The following PTPRD variants were observed in gnomAD, a reference collection of about 807,000 sequenced individuals.
PTPRD encodes the protein receptor-type tyrosine-protein phosphatase delta.
A neutral mutation model predicts 214.5 loss-of-function variants in PTPRD; 34 were observed. The ratio of observed to expected loss-of-function variants is 0.16; its 90% CI spans 0.12 to 0.21. PTPRD has a LOEUF of 0.21. Among genes scored for constraint, PTPRD ranks in the 10% least tolerant of loss-of-function variants. PTPRD has a pLI of 1.00. For synonymous variants in PTPRD, 1,128 were observed against 845.7 expected (o/e 1.33, Z -5.79); for missense variants, 2,545 against 2,398.7 (o/e 1.06, Z -1.27).
chr9:10,316,208 T>C (rs891082056), intron 3 of PTPRD, among the ~76,000 whole-genome samples: 1 of 149,560 alleles, frequency 6.7e-6, no homozygotes, highest in Non-Finnish European at 1.5e-5. Flanking sequence ...CACACACACA[T>C]ATATGATAAA....
intron 8 of PTPRD, among the ~76,000 whole-genome samples, chr9:9,514,880 T>G (rs945241250): frequency 6.6e-6 from 1 of 152,112 alleles, no homozygotes; most frequent in Admixed American, 6.6e-5. Flanking sequence ...TTTGGTGGTC[T>G]CTCATTAAAT....
At chr9:8,506,825 T>G (rs1208677511) in intron 22 of PTPRD, among the ~76,000 whole-genome samples, 1 of 152,190 alleles carries the variant, frequency 6.6e-6, no homozygotes, top group East Asian at 1.9e-4. Context: ...TACCAAATAC[T>G]TTTTAGCAAA....
intron 5 of PTPRD, among the ~76,000 whole-genome samples, chr9:9,822,277 G>A (rs1298578030): frequency 6.6e-6 from 1 of 151,248 alleles, no homozygotes; most frequent in African/African-American, 2.4e-5. Flanking sequence ...TGGGCATGGT[G>A]GTGCATGCCT....
At chr9:9,840,741 G>A (rs1319701247) in intron 5 of PTPRD, among the ~76,000 whole-genome samples, 3 of 106,708 alleles carry the variant, frequency 2.8e-5, no homozygotes, top group Admixed American at 1.5e-4. Context: ...CCAGCCTGGC[G>A]ACAGAGCAAG....
At chr9:10,532,651 AT>A (rs1368260554) in intron 2 of PTPRD, among the ~76,000 whole-genome samples, 1 of 148,354 alleles carries the variant, frequency 6.7e-6, no homozygotes, top group African/African-American at 2.4e-5. Flanking sequence ...TCTAATATAT[AT>A]ATTAGATATT....
At chr9:9,094,803 C>T (rs978067395) in intron 10 of PTPRD, among the ~76,000 whole-genome samples, 1 of 151,972 alleles carries the variant, frequency 6.6e-6, no homozygotes, top group African/African-American at 2.4e-5. Context: ...TTACAAAAAG[C>T]AGAAGAGGAG....
chr9:10,459,659 G>A (rs950849491), intron 2 of PTPRD, among the ~76,000 whole-genome samples: 19 of 151,832 alleles, frequency 1.3e-4, no homozygotes, highest in Admixed American at 1.1e-3. Flanking sequence ...CCGTGATGAA[G>A]AGCTTTTTTT....
intron 14 of PTPRD, among the ~76,000 whole-genome samples, chr9:8,612,997 T>C (rs1321698605): frequency 6.6e-6 from 1 of 152,184 alleles, no homozygotes; most frequent in Non-Finnish European, 1.5e-5. Flanking sequence ...GGATTATTAA[T>C]AACACCAGTA....
At chr9:8,638,573 T>C (rs1414572873) in intron 12 of PTPRD, among the ~76,000 whole-genome samples, 3 of 152,212 alleles carry the variant, frequency 2.0e-5, no homozygotes, top group African/African-American at 7.2e-5. Flanking sequence ...TTCCTAGCTT[T>C]ATATATTATT....
At chr9:9,697,054 G>T (rs2097390292) in intron 7 of PTPRD, among the ~76,000 whole-genome samples, 1 of 151,948 alleles carries the variant, frequency 6.6e-6, no homozygotes, top group East Asian at 1.9e-4. Flanking sequence ...AGAAACAAAG[G>T]AATAGTTAAA....
intron 43 of PTPRD, among the ~76,000 whole-genome samples, chr9:8,336,649 A>G (rs1447042525): frequency 6.9e-6 from 1 of 144,704 alleles, no homozygotes; most frequent in African/African-American, 2.5e-5. Context: ...AAAAAAAACT[A>G]CCATCAGAGT....
intron 11 of PTPRD, among the ~76,000 whole-genome samples, chr9:8,812,085 C>T (rs1015035333): frequency 6.6e-6 from 1 of 152,170 alleles, no homozygotes; most frequent in Non-Finnish European, 1.5e-5. Flanking sequence ...CTGCATGTTC[C>T]TATCCTACAT....
At chr9:10,127,428 A>G (rs960131566) in intron 3 of PTPRD, among the ~76,000 whole-genome samples, 1 of 152,204 alleles carries the variant, frequency 6.6e-6, no homozygotes, top group Non-Finnish European at 1.5e-5. Context: ...CTTATATTCA[A>G]CATCTTAGGT....
At chr9:9,230,290 A>G (rs908653537) in intron 9 of PTPRD, among the ~76,000 whole-genome samples, 2 of 152,148 alleles carry the variant, frequency 1.3e-5, no homozygotes, top group Non-Finnish European at 2.9e-5. Context: ...TAGGCTAACT[A>G]AAATCTCTTC....
chr9:10,562,293 G>A (rs2131567143), intron 2 of PTPRD, among the ~76,000 whole-genome samples: 1 of 151,580 alleles, frequency 6.6e-6, no homozygotes, highest in East Asian at 2.0e-4. Flanking sequence ...TCAACGTAAT[G>A]GAGGGTTTCT....
At chr9:8,916,513 C>T (rs1003889515) in intron 11 of PTPRD, among the ~76,000 whole-genome samples, 36 of 151,968 alleles carry the variant, frequency 2.4e-4, no homozygotes, top group African/African-American at 3.6e-4. Flanking sequence ...AAATTAGTGA[C>T]GATGAACTGG....
rs557158014 is a variant in PTPRD at position 9,219,794 on chromosome 9, C to T, written c.-202-36431G>A. 1.9e-3 allele frequency among the ~76,000 whole-genome samples: 291 copies of T among 152,218 alleles called. 1 individual carries two copies. Among genetic ancestry groups the T allele is most frequent in the African/African-American group, 4.6e-3 (193 of 41,558 alleles). The stretch of plus-strand genomic sequence containing the variant: ...TCCACCCTGAGAGTTCTACACATGG[C>T]GGACAGTGAAAATCTGGCAGCTGCA... On this transcript the variant is annotated intron_variant, in intron 9 of 45. Transcript: ENST00000381196.
intron 6 of PTPRD, among the ~76,000 whole-genome samples, chr9:9,750,612 G>A (rs1158780192): frequency 2.0e-5 from 3 of 152,050 alleles, no homozygotes; most frequent in African/African-American, 7.2e-5. Flanking sequence ...TCCTACAGAG[G>A]TTTGCACTAG....
intron 7 of PTPRD, among the ~76,000 whole-genome samples, chr9:9,604,699 C>G (rs2094026380): frequency 6.6e-6 from 1 of 152,050 alleles, no homozygotes; most frequent in Non-Finnish European, 1.5e-5. Flanking sequence ...TAAACCATAT[C>G]TATATGTATG....
Sources: gnomAD v4.1 joint callset for allele counts (sites outside exome capture counted in the v4.1 genomes callset) on GRCh38, gnomAD v4.1.1 for gene constraint, MANE v1.5 for transcripts, NCBI Gene and HGNC (gene_info 2026-07-23, HGNC 2026-07-21) for gene names.